Variants in SMIM36 observed in about 807,000 individuals in gnomAD.
SMIM36 encodes small integral membrane protein 36.
intron 4 of SMIM36, among the ~76,000 whole-genome samples, chr17:55,450,583 C>T (rs1598444503): frequency 6.6e-6 from 1 of 152,284 alleles, no homozygotes; most frequent in Admixed American, 6.5e-5. Context: ...AGAAGTGAAG[C>T]GACTTGCCCA....
the SMIM36 span, among the ~76,000 whole-genome samples, chr17:55,521,735 A>G: frequency 6.6e-6 from 1 of 152,168 alleles, no homozygotes; most frequent in East Asian, 1.9e-4. Flanking sequence ...AATTGTCAGG[A>G]TGCTGAAAGC....
At chr17:55,467,156 T>TA (rs1363852378) in exon 4 of SMIM36, 1 of 152,276 alleles carries the variant, frequency 6.6e-6, no homozygotes, top group Admixed American at 6.5e-5. Context: ...CAGTGTTTGT[T>TA]ATAATGTCTG....
chr17:55,518,696 CAA>C, the SMIM36 span, among the ~76,000 whole-genome samples: 1 of 152,006 alleles, frequency 6.6e-6, no homozygotes, highest in Non-Finnish European at 1.5e-5. Context: ...GTCAGTGAAA[CAA>C]AGTTGTTTCG....
chr17:55,492,628 TAAA>T, intron 1 of SMIM36, among the ~76,000 whole-genome samples: 1 of 143,318 alleles, frequency 7.0e-6, no homozygotes, highest in Non-Finnish European at 1.5e-5. Context: ...TACACCCACT[TAAA>T]AAAAAAAAAA....
intron 3 of SMIM36, among the ~76,000 whole-genome samples, chr17:55,469,567 T>C (rs1466741825): frequency 6.6e-6 from 1 of 152,180 alleles, no homozygotes; most frequent in African/African-American, 2.4e-5. Flanking sequence ...CAGGACTTAA[T>C]TAACCTTGCC....
chr17:55,486,672 G>A (rs1393509407), intron 1 of SMIM36, among the ~76,000 whole-genome samples: 2 of 152,094 alleles, frequency 1.3e-5, no homozygotes, highest in East Asian at 1.9e-4. Context: ...ACCCATAAGC[G>A]TGCATCGTGC....
At chr17:55,530,282 C>T in the SMIM36 span, among the ~76,000 whole-genome samples, 4 of 152,020 alleles carry the variant, frequency 2.6e-5, no homozygotes, top group Non-Finnish European at 5.9e-5. Context: ...TCAATCCAGC[C>T]CAGGGATGTG....
chr17:55,508,647 G>C (rs1270734049), intron 1 of SMIM36, among the ~76,000 whole-genome samples: 2 of 151,678 alleles, frequency 1.3e-5, no homozygotes, highest in Admixed American at 1.3e-4. Context: ...TGGTGGCTGA[G>C]CGCGGTGGCT....
the SMIM36 span, chr17:55,527,924 C>G: frequency 6.6e-6 from 1 of 152,232 alleles, no homozygotes; most frequent in Non-Finnish European, 1.5e-5. Flanking sequence ...ACACCTACCC[C>G]TTTTTCTGCA....
intron 2 of SMIM36, among the ~76,000 whole-genome samples, chr17:55,479,165 T>C (rs1418973701): frequency 1.3e-5 from 2 of 152,238 alleles, no homozygotes; most frequent in Non-Finnish European, 2.9e-5. Flanking sequence ...GTCTAGCTCT[T>C]ACTCCCATAG....
At chr17:55,492,028 A>G (rs558471027) in intron 1 of SMIM36, among the ~76,000 whole-genome samples, 28 of 151,704 alleles carry the variant, frequency 1.8e-4, no homozygotes, top group East Asian at 9.9e-4. Context: ...GCGTGGTGGC[A>G]GGCACCTGTA....
At chr17:55,480,592 C>A (rs766616390) in intron 1 of SMIM36, among the ~76,000 whole-genome samples, 26 of 152,198 alleles carry the variant, frequency 1.7e-4, no homozygotes, top group Non-Finnish European at 3.5e-4. Context: ...GGGATACATG[C>A]TCTTTCAATG....
At chr17:55,519,902 T>C in the SMIM36 span, among the ~76,000 whole-genome samples, 1 of 152,240 alleles carries the variant, frequency 6.6e-6, no homozygotes, top group African/African-American at 2.4e-5. Context: ...TATGTGGGTA[T>C]ATAAATTTTT....
chr17:55,457,694 T>C (rs150817785), intron 4 of SMIM36, among the ~76,000 whole-genome samples: 2,751 of 151,786 alleles, frequency 0.018, 85 homozygotes, highest in African/African-American at 0.063. Flanking sequence ...GCCCAGCTAA[T>C]TTTTGTATTT....
At chr17:55,486,009 A>G (rs138085719) in intron 1 of SMIM36, among the ~76,000 whole-genome samples, 11 of 145,308 alleles carry the variant, frequency 7.6e-5, no homozygotes, top group Admixed American at 3.4e-4. Flanking sequence ...GAAAAGAAAG[A>G]AAGAGCTTTC....
intron 1 of SMIM36, among the ~76,000 whole-genome samples, chr17:55,498,038 G>A (rs928103149): frequency 1.3e-5 from 2 of 152,182 alleles, no homozygotes; most frequent in African/African-American, 4.8e-5. Context: ...GCCAGGCCAT[G>A]TTCCTTTTGA....
At chr17:55,455,765 C>G (rs1224508818) in intron 4 of SMIM36, among the ~76,000 whole-genome samples, 4 of 151,974 alleles carry the variant, frequency 2.6e-5, no homozygotes, top group Admixed American at 6.6e-5. Context: ...TGCACTCCAG[C>G]CTGGGTGACA....
chr17:55,515,605 G>C (rs778198885), upstream of SMIM36, among the ~76,000 whole-genome samples: 1 of 152,162 alleles, frequency 6.6e-6, no homozygotes, highest in Non-Finnish European at 1.5e-5. Context: ...ACAGGGAGGA[G>C]ATGCTATGGA....
chr17:55,521,639 T>A, the SMIM36 span, among the ~76,000 whole-genome samples: 1 of 152,056 alleles, frequency 6.6e-6, no homozygotes, highest in Non-Finnish European at 1.5e-5. Context: ...TAGATTGGAC[T>A]TGGGAGGACA....
Sources: allele counts gnomAD v4.1 joint callset (sites outside exome capture counted in the v4.1 genomes callset), GRCh38; gene constraint gnomAD v4.1.1; transcripts MANE v1.5; gene names NCBI Gene and HGNC (gene_info 2026-07-23, HGNC 2026-07-21).